The following ARHGAP6 variants were observed in gnomAD, a reference collection of about 807,000 sequenced individuals.
ARHGAP6 encodes Rho GTPase activating protein 6, also known as rho GTPase-activating protein 6.
ARHGAP6 carries 16 observed loss-of-function variants against 55.7 expected under a neutral mutation model. The observed-to-expected ratio is 0.29, with a 90% CI of 0.19 to 0.44. The LOEUF (loss-of-function observed/expected upper bound fraction) is 0.44. ARHGAP6 is among the 20% of genes least tolerant of loss of function. The pLI, the probability that ARHGAP6 is intolerant of heterozygous loss-of-function variation, is 1.00. For synonymous variants in ARHGAP6, 382 were observed against 360.9 expected, an observed-to-expected ratio of 1.06 and a Z score of -0.66; for missense variants, 698 against 808.9, an observed-to-expected ratio of 0.86 and a Z score of 1.66.
intron 1 of ARHGAP6, among the ~76,000 whole-genome samples, chrX:11,304,122 C>G (rs1270410075): frequency 1.8e-5 from 2 of 109,621 alleles, no homozygotes; most frequent in Non-Finnish European, 3.8e-5. Context: ...CAGAGTCTTG[C>G]TCTGTCACCC....
At chrX:11,559,876 C>T (rs1288929988) in intron 1 of ARHGAP6, among the ~76,000 whole-genome samples, 2 of 107,190 alleles carry the variant, frequency 1.9e-5, no homozygotes, top group African/African-American at 6.8e-5. Context: ...TGCAGTGAGC[C>T]GAGATCGCGC....
intron 1 of ARHGAP6, among the ~76,000 whole-genome samples, chrX:11,489,372 C>T (rs188749590): frequency 1.8e-5 from 2 of 111,883 alleles, no homozygotes; most frequent in African/African-American, 6.5e-5. Flanking sequence ...GGAAAGAACG[C>T]TATTGGAATT....
At chrX:11,144,491 G>T (rs943233312) in intron 10 of ARHGAP6, among the ~76,000 whole-genome samples, 2 of 112,344 alleles carry the variant, frequency 1.8e-5, no homozygotes, top group African/African-American at 6.5e-5. Flanking sequence ...GATGGAGAAG[G>T]CACGGTGAGA....
At chrX:11,504,214 T>C (rs931632175) in intron 1 of ARHGAP6, among the ~76,000 whole-genome samples, 2 of 112,397 alleles carry the variant, frequency 1.8e-5, no homozygotes, top group Non-Finnish European at 3.8e-5. Flanking sequence ...CTTTTATTTG[T>C]AATTACTTTT....
chrX:11,548,224 A>G (rs928387796), intron 1 of ARHGAP6, among the ~76,000 whole-genome samples: 2 of 112,349 alleles, frequency 1.8e-5, no homozygotes, highest in Non-Finnish European at 3.8e-5. Context: ...GGTAATTAGC[A>G]TATCTCCTGC....
intron 1 of ARHGAP6, among the ~76,000 whole-genome samples, chrX:11,637,871 A>T (rs1489995138): frequency 9.0e-6 from 1 of 111,314 alleles, no homozygotes; most frequent in African/African-American, 3.3e-5. Context: ...ATGTTCAGGT[A>T]ATAAATCGTG....
At chrX:11,548,324 A>C (rs1248882097) in intron 1 of ARHGAP6, among the ~76,000 whole-genome samples, 1 of 111,294 alleles carries the variant, frequency 9.0e-6, no homozygotes, top group Non-Finnish European at 1.9e-5. Flanking sequence ...AACCATATTC[A>C]CCCTACAGTG....
intron 1 of ARHGAP6, among the ~76,000 whole-genome samples, chrX:11,332,248 C>T (rs760013755): frequency 8.9e-6 from 1 of 111,966 alleles, no homozygotes; most frequent in African/African-American, 3.2e-5. Flanking sequence ...TTATTCAATC[C>T]TTTTTTGTAG....
At chrX:11,153,165 C>A (rs913752569) in intron 10 of ARHGAP6, among the ~76,000 whole-genome samples, 1 of 111,613 alleles carries the variant, frequency 9.0e-6, no homozygotes, top group African/African-American at 3.3e-5. Context: ...TCATAGACTA[C>A]CTCCCCGAGT....
At chrX:11,179,732 G>T (rs943486852) in intron 6 of ARHGAP6, among the ~76,000 whole-genome samples, 2 of 96,343 alleles carry the variant, frequency 2.1e-5, no homozygotes, top group Non-Finnish European at 4.1e-5. Flanking sequence ...TATATGTATT[G>T]TATATGTATA....
At chrX:11,258,226 C>T (rs1422235553) in intron 1 of ARHGAP6, among the ~76,000 whole-genome samples, 2 of 111,038 alleles carry the variant, frequency 1.8e-5, no homozygotes, top group Admixed American at 1.9e-4. Context: ...TGAGAAAAGA[C>T]TCCGTGCTAA....
chrX:11,545,714 G>A (rs2051205640), intron 1 of ARHGAP6, among the ~76,000 whole-genome samples: 1 of 111,835 alleles, frequency 8.9e-6, no homozygotes, highest in Admixed American at 9.6e-5. Flanking sequence ...TGCATGCACT[G>A]ATGTGTTTAA....
At chrX:11,465,933 C>T (rs1569355018) in intron 1 of ARHGAP6, among the ~76,000 whole-genome samples, 1 of 90,040 alleles carries the variant, frequency 1.1e-5, no homozygotes, top group Non-Finnish European at 2.1e-5. Flanking sequence ...GTCTCCTCCT[C>T]CTCCTCCTCT....
chrX:11,434,318 C>A (rs776830453), intron 1 of ARHGAP6, among the ~76,000 whole-genome samples: 2 of 111,996 alleles, frequency 1.8e-5, no homozygotes, highest in Non-Finnish European at 3.8e-5. Context: ...AGGTCTTGCA[C>A]CACCCAAGAA....
At chrX:11,572,904 C>T (rs184333952) in intron 1 of ARHGAP6, among the ~76,000 whole-genome samples, 2 of 112,078 alleles carry the variant, frequency 1.8e-5, no homozygotes, top group African/African-American at 6.5e-5. Context: ...GATGGTATCT[C>T]ATTGTGGTTT....
chrX:11,388,832 A>G (rs747044401), intron 1 of ARHGAP6, among the ~76,000 whole-genome samples: 11 of 112,177 alleles, frequency 9.8e-5, no homozygotes, highest in Non-Finnish European at 1.9e-4. Context: ...GTGGCTTGTA[A>G]ACTATCAATT....
intron 6 of ARHGAP6, 86 bp from the exon 7 acceptor site, chrX:11,179,538 G>T: frequency 9.2e-7 from 1 of 1,085,672 alleles, no homozygotes. Context: ...GTGACACGTA[G>T]CATCTGGAAT....
chrX:11,406,382 T>G (rs774614548), intron 1 of ARHGAP6, among the ~76,000 whole-genome samples: 2 of 111,379 alleles, frequency 1.8e-5, no homozygotes, highest in East Asian at 5.6e-4. Context: ...CATGTAAGAA[T>G]GCACTTTTAA....
In ARHGAP6 at chrX:11,624,210, T is replaced by C. The variant is rs181515344; in HGVS notation, c.588+40031A>G. On this transcript the variant is annotated intron_variant, in intron 1 of 12. Transcript: ENST00000337414. ...AACTAGACCCCTATCTCTCATCATATGCAAAAATAAAATCAAAATGAATTA... is the reference window on the plus strand; with the variant it reads ...AACTAGACCCCTATCTCTCATCATACGCAAAAATAAAATCAAAATGAATTA... Among the ~76,000 whole-genome samples the C allele has an allele frequency of 2.0e-4, 22 of 112,220 alleles. No homozygotes were observed. The East Asian group carries it at 5.8e-3, about 30-fold the overall frequency.
Sources: allele counts gnomAD v4.1 joint callset (sites outside exome capture counted in the v4.1 genomes callset), GRCh38; gene constraint gnomAD v4.1.1; transcripts MANE v1.5; gene names NCBI Gene and HGNC (gene_info 2026-07-23, HGNC 2026-07-21).